Variants in ANKS1B observed in about 807,000 individuals in gnomAD.
The protein encoded by ANKS1B is ankyrin repeat and sterile alpha motif domain-containing protein 1B.
In ANKS1B, 36 loss-of-function variants were observed where a neutral mutation model predicts 148.3. That is an observed-to-expected ratio of 0.24 (90% CI 0.19 to 0.32). ANKS1B has a LOEUF of 0.32. ANKS1B is among the 10% of genes least tolerant of loss of function. ANKS1B has a pLI of 1.00. For missense variants in ANKS1B, 1,157 were observed against 1,542.6 expected, an observed-to-expected ratio of 0.75 and a Z score of 4.19; for synonymous variants, 542 against 560.8, an observed-to-expected ratio of 0.97 and a Z score of 0.47.
intron 10 of ANKS1B, among the ~76,000 whole-genome samples, chr12:99,446,432 T>C (rs1243083528): frequency 3.3e-5 from 5 of 152,086 alleles, no homozygotes; most frequent in Admixed American, 3.3e-4. Context: ...AGACAAGCCA[T>C]GTTAAATTAT....
At chr12:99,803,401 T>C (rs777045781) in intron 4 of ANKS1B, among the ~76,000 whole-genome samples, 16 of 151,822 alleles carry the variant, frequency 1.1e-4, no homozygotes, top group Non-Finnish European at 2.1e-4. Context: ...TTCATTTCAT[T>C]GAGATATATT....
intron 12 of ANKS1B, among the ~76,000 whole-genome samples, chr12:99,326,393 AC>A (rs2086303042): frequency 6.6e-6 from 1 of 152,100 alleles, no homozygotes; most frequent in Non-Finnish European, 1.5e-5. Flanking sequence ...GTACTCCTCC[AC>A]CACAACAATG....
intron 17 of ANKS1B, among the ~76,000 whole-genome samples, chr12:98,869,317 A>G (rs1051319754): frequency 2.6e-5 from 4 of 151,986 alleles, no homozygotes; most frequent in Admixed American, 2.6e-4. Context: ...ACCACTTTCC[A>G]CCCATTCAAG....
chr12:99,655,927 T>C (rs527752463), intron 8 of ANKS1B, among the ~76,000 whole-genome samples: 94 of 152,268 alleles, frequency 6.2e-4, no homozygotes, highest in African/African-American at 2.2e-3. Context: ...AGAACCTTCA[T>C]GTGGAAAGAA....
At chr12:99,057,233 C>T (rs1255443200) in intron 16 of ANKS1B, among the ~76,000 whole-genome samples, 1 of 152,122 alleles carries the variant, frequency 6.6e-6, no homozygotes, top group Non-Finnish European at 1.5e-5. Context: ...CATAATAATA[C>T]CTATTCCAAG....
chr12:99,641,483 T>C (rs919564515), intron 9 of ANKS1B, among the ~76,000 whole-genome samples: 13 of 152,190 alleles, frequency 8.5e-5, no homozygotes, highest in African/African-American at 2.9e-4. Context: ...ATGATGTTTA[T>C]ATTGCTTACT....
chr12:98,779,203 G>A (rs1013725145), intron 24 of ANKS1B, among the ~76,000 whole-genome samples: 1 of 152,168 alleles, frequency 6.6e-6, no homozygotes, highest in Non-Finnish European at 1.5e-5. Context: ...TCATCAGTGA[G>A]CAGAGGTTTA....
intron 11 of ANKS1B, among the ~76,000 whole-genome samples, chr12:99,403,626 G>A (rs1172563451): frequency 1.4e-5 from 2 of 144,988 alleles, no homozygotes; most frequent in African/African-American, 5.3e-5. Flanking sequence ...CTGTACAGAG[G>A]CTCTTTAGTT....
chr12:99,796,039 C>T (rs1160200292), intron 4 of ANKS1B, among the ~76,000 whole-genome samples: 1 of 152,030 alleles, frequency 6.6e-6, no homozygotes, highest in Non-Finnish European at 1.5e-5. Flanking sequence ...CACTTTACAG[C>T]TTCTCTTTGG....
At chr12:99,459,482 G>A (rs1373573034) in intron 10 of ANKS1B, among the ~76,000 whole-genome samples, 1 of 152,076 alleles carries the variant, frequency 6.6e-6, no homozygotes, top group Non-Finnish European at 1.5e-5. Context: ...ACTGTTTGCT[G>A]ATGACATGAT....
chr12:99,562,614 T>C (rs1687079750), intron 9 of ANKS1B, among the ~76,000 whole-genome samples: 1 of 152,160 alleles, frequency 6.6e-6, no homozygotes, highest in South Asian at 2.1e-4. Flanking sequence ...ACAATCATGG[T>C]GGAAGGGGAA....
At chr12:98,985,792 G>A (rs1208757716) in intron 17 of ANKS1B, among the ~76,000 whole-genome samples, 2 of 151,956 alleles carry the variant, frequency 1.3e-5, no homozygotes, top group African/African-American at 4.8e-5. Context: ...AAGAAAACAT[G>A]TCTCATATTT....
intron 11 of ANKS1B, among the ~76,000 whole-genome samples, chr12:99,430,681 T>C (rs2095354845): frequency 6.6e-6 from 1 of 152,318 alleles, no homozygotes; most frequent in Non-Finnish European, 1.5e-5. Context: ...CTAAGCATGC[T>C]TATTATTGCC....
chr12:99,212,994 G>T (rs548969417), intron 14 of ANKS1B, among the ~76,000 whole-genome samples: 1 of 152,292 alleles, frequency 6.6e-6, no homozygotes, highest in East Asian at 1.9e-4. Flanking sequence ...CCAGCGTCAG[G>T]ATTCACACCT....
chr12:99,578,106 A>C (rs1332209186), intron 9 of ANKS1B, among the ~76,000 whole-genome samples: 1 of 152,160 alleles, frequency 6.6e-6, no homozygotes, highest in East Asian at 1.9e-4. Context: ...AAACAGAAGT[A>C]AAAATAAAAC....
chr12:99,817,624 T>A (rs1191514263), intron 2 of ANKS1B, among the ~76,000 whole-genome samples: 1 of 151,734 alleles, frequency 6.6e-6, no homozygotes, highest in African/African-American at 2.4e-5. Context: ...TAATTTACAT[T>A]CCCATCAATG....
At chr12:98,743,864 T>C (rs893124598), downstream of ANKS1B, 8 of 388,766 alleles carry the variant, frequency 2.1e-5, no homozygotes, top group Non-Finnish European at 2.8e-5. Context: ...CTCAACAATT[T>C]TGCCAATTAA....
chr12:98,992,791 T>C (rs1310309080), intron 17 of ANKS1B, among the ~76,000 whole-genome samples: 1 of 152,212 alleles, frequency 6.6e-6, no homozygotes, highest in Non-Finnish European at 1.5e-5. Flanking sequence ...TTCATGACAC[T>C]TTCCTTACCT....
chr12:99,787,246 A>AT (rs1212334660), intron 4 of ANKS1B, among the ~76,000 whole-genome samples: 4 of 152,106 alleles, frequency 2.6e-5, no homozygotes, highest in Non-Finnish European at 4.4e-5. Flanking sequence ...CATGGGGGCA[A>AT]TTACCCTCAT....
Sources: allele counts gnomAD v4.1 joint callset (sites outside exome capture counted in the v4.1 genomes callset), GRCh38; gene constraint gnomAD v4.1.1; transcripts MANE v1.5; gene names NCBI Gene and HGNC (gene_info 2026-07-23, HGNC 2026-07-21).